The following PCSK6 variants were observed in gnomAD, a reference collection of about 807,000 sequenced individuals.
The protein encoded by PCSK6 is proprotein convertase subtilisin/kexin type 6, also known as paired basic amino acid cleaving enzyme 4.
In PCSK6, 85 loss-of-function variants were observed where a neutral mutation model predicts 123.3. The observed-to-expected ratio is 0.69, with a 90% CI of 0.58 to 0.83. The LOEUF (loss-of-function observed/expected upper bound fraction) is 0.83, where lower values mean the gene tolerates loss of function less well. Ranked by LOEUF, PCSK6 falls within the 40% of genes least tolerant of loss-of-function variation. The pLI is 0.00. For synonymous variants in PCSK6, 508 were observed against 516.0 expected, an observed-to-expected ratio of 0.98 and a Z score of 0.21; for missense variants, 1,191 against 1,282.3, an observed-to-expected ratio of 0.93 and a Z score of 1.09.
At chr15:101,348,765 C>T (rs115688752) in intron 13 of PCSK6, among the ~76,000 whole-genome samples, 1,813 of 152,222 alleles carry the variant, frequency 0.012, 36 homozygotes, top group African/African-American at 0.041. Flanking sequence ...TGAGAGATTC[C>T]GTGACCAGGC....
Position 101,431,460 on chromosome 15 carries a change from A to C in PCSK6, c.517T>G (p.Cys173Gly). The part of the protein sequence containing the change: ...PIWSNMWYLH[C>G]GDKNSRCRSE... Reference sequence around the variant, plus strand: ...CGGCAGCGACTGTTCTTGTCGCCACAATGCTGTAAGCACGAAAGACACAAA... The same window carrying C: ...CGGCAGCGACTGTTCTTGTCGCCACCATGCTGTAAGCACGAAAGACACAAA... Residue 173 changes from cysteine (C) to glycine (G), a missense_variant, in exon 4 of 22, where the codon TGT becomes GGT. Transcript: ENST00000611716. 2 of 1,613,670 alleles carry C rather than the reference A, an allele frequency of 1.2e-6. No homozygotes were observed. The highest frequency in any genetic ancestry group is 1.7e-6 in the Non-Finnish European group (2 of 1,179,816).
chr15:101,348,989 T>C (rs2040821721), intron 13 of PCSK6, among the ~76,000 whole-genome samples: 1 of 152,252 alleles, frequency 6.6e-6, no homozygotes, highest in Admixed American at 6.5e-5. Context: ...CGATAGCTTA[T>C]TCTGCAAGTT....
rs2058112465 is a variant in PCSK6, at chr15:101,489,441, T to C, written c.230A>G (p.Gln77Arg). 4.0e-6 allele frequency: 5 copies of C among 1,246,286 alleles called. No individual in the cohort carries two copies. The highest frequency in any genetic ancestry group is 3.7e-5 in the Admixed American group (1 of 27,198). 77.2% of individuals were successfully genotyped at this position (1,246,286 alleles called of 1,614,324 possible). Reference sequence around the variant, plus strand: ...CGCCTCGGCCGGGCCGCCCAGCACTTGCACCGCCCAGTGGTTGGTGTAGAC... The same window carrying C: ...CGCCTCGGCCGGGCCGCCCAGCACTCGCACCGCCCAGTGGTTGGTGTAGAC... ...RPVYTNHWAV[Q>R]VLGGPAEADR... Residue 77 changes from glutamine (Q) to arginine (R), a missense_variant, in exon 1 of 22, where the codon CAA (glutamine) becomes CGA (arginine). Gln to Arg is a conservative substitution (Grantham distance 43). Around this residue, in one of 3 missense-constraint regions of PCSK6, gnomAD observed 204 missense variants for 166.4 expected, o/e 1.23. Coordinates refer to ENST00000611716, the MANE Select transcript of PCSK6 (RefSeq NM_002570.5).
intron 17 of PCSK6, 90 bp from the exon 18 acceptor site, chr15:101,322,697 G>C (rs2040155666): frequency 1.2e-6 from 1 of 820,512 alleles, no homozygotes; most frequent in African/African-American, 1.7e-5. Flanking sequence ...TTTCAAAGCG[G>C]GGGTGCGGGT....
At chr15:101,447,971 G>A (rs77939956) in intron 1 of PCSK6, among the ~76,000 whole-genome samples, 39 of 152,324 alleles carry the variant, frequency 2.6e-4, no homozygotes, top group African/African-American at 9.1e-4. Flanking sequence ...CCCAGGCTGC[G>A]TCCCAGTCCT....
Position 101,326,490 on chromosome 15 carries a change from C to G in PCSK6, c.2078-11G>C, listed in dbSNP as rs910102223. The G allele has an allele frequency of 4.5e-6, 7 of 1,564,980 alleles. No homozygotes were observed. In the South Asian group the frequency reaches 8.2e-5, roughly 18 times the overall value. ...CCGGATGGCACACACCTTAAAGAAA[C>G]AAGCATTGCCTTTCATCCAGAGAGA... On this transcript the variant is annotated splice_polypyrimidine_tract_variant and intron_variant, in intron 15 of 21. Transcript: ENST00000611716.
At chr15:101,413,814 G>T (rs4965850) in intron 6 of PCSK6, among the ~76,000 whole-genome samples, 1 of 151,690 alleles carries the variant, frequency 6.6e-6, no homozygotes. Context: ...TTAAATATGT[G>T]AAATGTCATT....
intron 1 of PCSK6, among the ~76,000 whole-genome samples, chr15:101,446,511 G>GT (rs2056893851): frequency 6.6e-6 from 1 of 151,996 alleles, no homozygotes. Context: ...TCCACCTACC[G>GT]TTTTTTGATA....
At chr15:101,454,972 G>A (rs113105828) in intron 1 of PCSK6, among the ~76,000 whole-genome samples, 48 of 131,998 alleles carry the variant, frequency 3.6e-4, no homozygotes, top group South Asian at 3.1e-3. Context: ...ATGAATGAAT[G>A]AATGAATGAA....
intron 6 of PCSK6, among the ~76,000 whole-genome samples, chr15:101,413,191 ACTGT>A (rs997493980): frequency 2.6e-5 from 4 of 152,192 alleles, no homozygotes; most frequent in African/African-American, 9.7e-5. Context: ...AAATTACAAC[ACTGT>A]CTGATGTGGT....
chr15:101,411,629 C>T (rs1156648877), intron 6 of PCSK6, among the ~76,000 whole-genome samples: 5 of 152,084 alleles, frequency 3.3e-5, no homozygotes, highest in African/African-American at 4.8e-5. Flanking sequence ...CAGAGGGACC[C>T]GACGAGACAG....
chr15:101,431,921 A>G, intron 3 of PCSK6, 69 bp downstream of exon 3: 1 of 1,122,586 alleles, frequency 8.9e-7, no homozygotes, highest in Non-Finnish European at 1.3e-6. Flanking sequence ...TTGTTGAGGG[A>G]AATTAACCCA....
In PCSK6 at chr15:101,305,429, C is replaced by T. The variant is rs938878462; in HGVS notation, c.2813-74G>A. On this transcript the variant is annotated intron_variant, in intron 21 of 21. Coordinates refer to ENST00000611716, the MANE Select transcript of PCSK6 (RefSeq NM_002570.5). The surrounding 1 kb of genome is among the most constrained non-coding windows in gnomAD (Gnocchi z 4.8). ...GTGCCTGTGAAGATTGTTTCAAGGC[C>T]GGGCGCGGTGCCTCATGCCTGTAAT... 3.8e-5 allele frequency: 49 copies of T among 1,275,226 alleles called. No homozygotes were observed. Among genetic ancestry groups the T allele is most frequent in the South Asian group, 2.5e-4 (20 of 79,604 alleles). The allele number at this position is 1,275,226 out of a possible 1,614,324, so 79.0% of individuals were successfully genotyped here.
chr15:101,377,608 A>C (rs2041788918), intron 11 of PCSK6, among the ~76,000 whole-genome samples: 1 of 152,222 alleles, frequency 6.6e-6, no homozygotes, highest in Non-Finnish European at 1.5e-5. Flanking sequence ...ACAATCCATT[A>C]TCTCTCATCC....
chr15:101,480,667 G>T (rs1413735009), intron 1 of PCSK6, among the ~76,000 whole-genome samples: 2 of 152,188 alleles, frequency 1.3e-5, no homozygotes, highest in Non-Finnish European at 2.9e-5. Context: ...GGACCCGCAG[G>T]GTGTGAAGCA....
intron 18 of PCSK6, among the ~76,000 whole-genome samples, chr15:101,321,314 T>C (rs1169819738): frequency 1.3e-5 from 2 of 152,252 alleles, no homozygotes; most frequent in South Asian, 4.1e-4. Context: ...GATGCATGAC[T>C]TTGGGAGCCT....
chr15:101,338,204 T>G (rs562737071), intron 13 of PCSK6, among the ~76,000 whole-genome samples: 1 of 152,320 alleles, frequency 6.6e-6, no homozygotes, highest in African/African-American at 2.4e-5. Context: ...ACACAGTCCC[T>G]TCTCCAAACC....
rs2042285712 is a variant in PCSK6 at position 101,393,244 on chromosome 15, A to T, written c.1177T>A (p.Tyr393Asn). ...EECASTLATT[Y>N]SSGAFYERKI... Reference sequence around the variant, plus strand: ...CGCTCATAAAAGGCCCCACTGCTGTAGGTGGTGGCCAGGGTGGAGGCACAC... The same window carrying T: ...CGCTCATAAAAGGCCCCACTGCTGTTGGTGGTGGCCAGGGTGGAGGCACAC... The change falls in exon 8 of 22, where the codon TAC becomes AAC. Residue 393 changes from tyrosine to asparagine, a missense_variant. Coordinates refer to ENST00000611716, the MANE Select transcript of PCSK6 (RefSeq NM_002570.5). 1.2e-5 allele frequency: 19 copies of T among 1,613,796 alleles called. No homozygotes were observed. Among genetic ancestry groups the T allele is most frequent in the Non-Finnish European group, 1.6e-5 (19 of 1,179,896 alleles).
intron 11 of PCSK6, among the ~76,000 whole-genome samples, chr15:101,377,569 C>G (rs1224649191): frequency 6.6e-6 from 1 of 152,204 alleles, no homozygotes; most frequent in African/African-American, 2.4e-5. Context: ...TAGAGCAATG[C>G]CTGGCACACA....
Sources: gnomAD v4.1 joint callset for allele counts (sites outside exome capture counted in the v4.1 genomes callset) on GRCh38, gnomAD v4.1.1 for gene constraint, gnomAD v4.1.1 regional missense constraint, Gnocchi (gnomAD v3.1) non-coding constraint, MANE v1.5 for transcripts, NCBI Gene and HGNC (gene_info 2026-07-23, HGNC 2026-07-21) for gene names.